Variants in KIAA1217 observed in about 807,000 individuals in gnomAD.
The protein encoded by KIAA1217 is sickle tail protein homolog.
A neutral mutation model predicts 163.9 loss-of-function variants in KIAA1217; 88 were observed. The ratio of observed to expected loss-of-function variants is 0.54; its 90% confidence interval spans 0.45 to 0.64. The LOEUF is 0.64. Ranked by LOEUF, KIAA1217 falls within the 30% of genes least tolerant of loss-of-function variation. The pLI is 0.00. For synonymous variants in KIAA1217, 903 were observed against 923.1 expected, an observed-to-expected ratio of 0.98 and a Z score of 0.39; for missense variants, 2,372 against 2,475.0, an observed-to-expected ratio of 0.96 and a Z score of 0.88.
At chr10:23,852,468 T>A (rs573260139) in intron 1 of KIAA1217, among the ~76,000 whole-genome samples, 1 of 152,346 alleles carries the variant, frequency 6.6e-6, no homozygotes, top group African/African-American at 2.4e-5. Context: ...AGCTTTGTTC[T>A]TTTGGCTTAG....
chr10:23,721,056 G>A (rs1837852695), intron 1 of KIAA1217, among the ~76,000 whole-genome samples: 1 of 151,856 alleles, frequency 6.6e-6, no homozygotes. Flanking sequence ...GGCTTTAGTA[G>A]TCTTCAAGTC....
intron 2 of KIAA1217, among the ~76,000 whole-genome samples, chr10:24,111,208 A>G (rs1376842817): frequency 6.6e-6 from 1 of 152,226 alleles, no homozygotes; most frequent in Non-Finnish European, 1.5e-5. Flanking sequence ...TAATCTTCCA[A>G]AGGTTGGCTA....
chr10:24,075,128 AC>A (rs551750210), intron 2 of KIAA1217, among the ~76,000 whole-genome samples: 1 of 131,398 alleles, frequency 7.6e-6, no homozygotes, highest in South Asian at 2.2e-4. Flanking sequence ...ATACACACAC[AC>A]ACACACACAC....
At chr10:24,242,917 C>T (rs985512039) in intron 2 of KIAA1217, among the ~76,000 whole-genome samples, 4 of 151,972 alleles carry the variant, frequency 2.6e-5, no homozygotes, top group African/African-American at 9.7e-5. Context: ...TGTCTTTTGT[C>T]CACTTTTTAA....
rs137864034 is a variant in KIAA1217, at chr10:24,543,945, G to A, written c.4675G>A (p.Glu1559Lys). 7 of 1,613,968 alleles carry A rather than the reference G, an allele frequency of 4.3e-6. No individual in the cohort carries two copies. In the Admixed American group the frequency reaches 5.0e-5, roughly 12 times the overall value. ...TTCTCCAAATTCGGAATGCAAGGGT[G>A]AGGACGCGACCGATGACCAGTTTGA... ...VDSPNSECKG[E>K]DATDDQFESP... The change falls in exon 19 of 21, where the codon GAG becomes AAG. Residue 1559 changes from glutamate (E) to lysine (K), a missense_variant. By Grantham distance (56) the Glu-to-Lys change is moderately conservative. Around this residue, in one of 3 missense-constraint regions of KIAA1217, gnomAD observed 690 missense variants for 677.5 expected, o/e 1.02. Transcript: ENST00000376454.
At chr10:23,969,563 G>A (rs932635751) in intron 1 of KIAA1217, among the ~76,000 whole-genome samples, 4 of 151,948 alleles carry the variant, frequency 2.6e-5, no homozygotes, top group African/African-American at 9.7e-5. Context: ...TGTGCTTATC[G>A]GCTATTTTTA....
intron 2 of KIAA1217, among the ~76,000 whole-genome samples, chr10:24,049,152 A>G (rs1216209460): frequency 6.6e-6 from 1 of 152,016 alleles, no homozygotes; most frequent in Non-Finnish European, 1.5e-5. Context: ...TCAGTATATC[A>G]GGAAAGGAGT....
chr10:24,419,803 G>A (rs1371393845), intron 3 of KIAA1217, among the ~76,000 whole-genome samples: 1 of 152,016 alleles, frequency 6.6e-6, no homozygotes, highest in East Asian at 1.9e-4. Context: ...CTTCCACTAT[G>A]CTCACAATGT....
At chr10:24,249,205 C>A (rs974230961) in intron 2 of KIAA1217, among the ~76,000 whole-genome samples, 3 of 152,138 alleles carry the variant, frequency 2.0e-5, no homozygotes, top group African/African-American at 7.2e-5. Flanking sequence ...TAGCTCAGTT[C>A]TGCAACTAAC....
At chr10:23,914,665 A>G (rs1478368938) in intron 1 of KIAA1217, among the ~76,000 whole-genome samples, 3 of 152,148 alleles carry the variant, frequency 2.0e-5, no homozygotes, top group African/African-American at 7.2e-5. Flanking sequence ...CTCTATGCAC[A>G]TAACAGGATG....
At chr10:24,112,882 G>A (rs1238062520) in intron 2 of KIAA1217, among the ~76,000 whole-genome samples, 1 of 152,090 alleles carries the variant, frequency 6.6e-6, no homozygotes, top group African/African-American at 2.4e-5. Flanking sequence ...CACCACGCCT[G>A]GCCATGACTG....
At chr10:24,480,389 G>T (rs985295016) in intron 6 of KIAA1217, among the ~76,000 whole-genome samples, 2 of 152,132 alleles carry the variant, frequency 1.3e-5, no homozygotes, top group African/African-American at 2.4e-5. Flanking sequence ...CTACCTTCAG[G>T]TCAGTCAATC....
intron 20 of KIAA1217, 162 bp downstream of exon 20, chr10:24,545,265 C>G: frequency 7.0e-7 from 1 of 1,423,740 alleles, no homozygotes; most frequent in Admixed American, 2.9e-5. Flanking sequence ...CTTTGTTACA[C>G]TTTTTTACCA....
chr10:23,830,821 TACACACACAC>T (rs139183459), intron 1 of KIAA1217, among the ~76,000 whole-genome samples: 5 of 147,434 alleles, frequency 3.4e-5, no homozygotes, highest in African/African-American at 2.5e-5. Context: ...GATATATGTG[TACACACACAC>T]ACACACACAC....
intron 5 of KIAA1217, among the ~76,000 whole-genome samples, chr10:24,471,816 G>C (rs2133006646): frequency 6.7e-6 from 1 of 150,262 alleles, no homozygotes; most frequent in East Asian, 2.0e-4. Context: ...CCAGGAGGTG[G>C]AGATTGCAGT....
chr10:24,454,164 A>G lies in KIAA1217; in HGVS notation c.846+15685A>G, dbSNP rs58651389. Among the ~76,000 whole-genome samples the G allele has an allele frequency of 8.1e-3, 1,241 of 152,324 alleles. 18 individuals are homozygous for G. The highest frequency in any genetic ancestry group is 0.026 in the East Asian group (135 of 5,176). ...TTCTCAAGACGATCAGCATCGTACT[A>G]TTTGGCAGAAAAGACAAACTACTCA... On this transcript the variant is annotated intron_variant, in intron 5 of 20. Coordinates refer to ENST00000376454, the MANE Select transcript of KIAA1217 (RefSeq NM_019590.5).
At chr10:23,896,366 G>A (rs556431983) in intron 1 of KIAA1217, among the ~76,000 whole-genome samples, 4 of 151,948 alleles carry the variant, frequency 2.6e-5, no homozygotes, top group African/African-American at 4.8e-5. Flanking sequence ...CGCATCACAC[G>A]CTGTCGAGAG....
At chr10:23,934,907 G>A (rs969523637) in intron 1 of KIAA1217, among the ~76,000 whole-genome samples, 1 of 151,620 alleles carries the variant, frequency 6.6e-6, no homozygotes, top group Non-Finnish European at 1.5e-5. Flanking sequence ...ATGAGCCACC[G>A]CGCCTAGCCA....
In KIAA1217 at chr10:24,473,607, C is replaced by T; in HGVS notation, c.1226C>T (p.Ser409Phe). Residue 409 changes from serine (S) to phenylalanine (F), a missense_variant, in exon 6 of 21, where the codon TCC becomes TTC. Transcript: ENST00000376454. ...YHEGRMSIAS[S>F]HGGHPLDVPD... ...GAGGGACGGATGAGCATAGCCTCAT[C>T]CCATGGTGGACACCCACTGGATGTC... is the stretch of plus-strand genomic sequence containing the variant. 7.4e-6 allele frequency: 12 copies of T among 1,614,142 alleles called. No homozygotes were observed. The highest frequency in any genetic ancestry group is 1.0e-5 in the Non-Finnish European group (12 of 1,180,028).
Sources: gnomAD v4.1 joint callset for allele counts (sites outside exome capture counted in the v4.1 genomes callset) on GRCh38, gnomAD v4.1.1 for gene constraint, gnomAD v4.1.1 regional missense constraint, MANE v1.5 for transcripts, NCBI Gene and HGNC (gene_info 2026-07-23, HGNC 2026-07-21) for gene names.